The following SNX10 variants were observed in gnomAD, a reference collection of about 807,000 sequenced individuals.
SNX10 encodes sorting nexin 10.
Under a neutral mutation model 28.5 loss-of-function variants are expected in SNX10, and 25 were observed. The ratio of observed to expected loss-of-function variants is 0.88; its 90% confidence interval spans 0.64 to 1.22. SNX10 has a LOEUF of 1.22. Ranked by LOEUF, SNX10 falls within the 50% of genes most tolerant of loss-of-function variation. The pLI, the probability that SNX10 is intolerant of heterozygous loss-of-function variation, is 0.00. For missense variants in SNX10, 223 were observed against 242.6 expected, an observed-to-expected ratio of 0.92 and a Z score of 0.54; for synonymous variants, 62 against 81.4, an observed-to-expected ratio of 0.76 and a Z score of 1.28.
chr7:26,348,938 A>G (rs1584151860), intron 2 of SNX10, among the ~76,000 whole-genome samples: 1 of 152,378 alleles, frequency 6.6e-6, no homozygotes, highest in African/African-American at 2.4e-5. Context: ...GCATTGGCTT[A>G]GAAGTCAAGA....
At chr7:26,329,069 C>T (rs993184271) in intron 1 of SNX10, among the ~76,000 whole-genome samples, 3 of 152,212 alleles carry the variant, frequency 2.0e-5, no homozygotes, top group African/African-American at 7.2e-5. Flanking sequence ...GTTCCACACC[C>T]AGCAGCCAGA....
chr7:26,330,982 T>C (rs1032720864), intron 1 of SNX10, among the ~76,000 whole-genome samples: 2 of 151,990 alleles, frequency 1.3e-5, no homozygotes, highest in African/African-American at 4.8e-5. Flanking sequence ...AAACCTCATC[T>C]CTACAAAAAA....
chr7:26,336,091 A>T lies in SNX10; in HGVS notation c.-23-10329A>T, dbSNP rs866755880. Among the ~76,000 whole-genome samples, 4 of 152,340 alleles carry T rather than the reference A, an allele frequency of 2.6e-5. 1 individual carries two copies. The Middle Eastern group carries it at 0.014, about 518-fold the overall frequency. On this transcript the variant is annotated intron_variant, in intron 1 of 6. Coordinates refer to ENST00000338523, the MANE Select transcript of SNX10 (RefSeq NM_013322.3). ...TGATTTTTTTTATTTAAATAGAAAAATAGCTGAACATTGTGGGAGGAAGTG... is the reference window on the plus strand; with the variant it reads ...TGATTTTTTTTATTTAAATAGAAAATTAGCTGAACATTGTGGGAGGAAGTG...
At chr7:26,338,847 G>A (rs1019602156) in intron 1 of SNX10, among the ~76,000 whole-genome samples, 7 of 152,176 alleles carry the variant, frequency 4.6e-5, no homozygotes, top group African/African-American at 1.7e-4. Flanking sequence ...TGGCAGAACT[G>A]CTTGAGCCAG....
At chr7:26,293,495 T>C (rs1786002894) in intron 1 of SNX10, among the ~76,000 whole-genome samples, 1 of 152,216 alleles carries the variant, frequency 6.6e-6, no homozygotes, top group East Asian at 1.9e-4. Context: ...GGTGAGCCAC[T>C]GCGCTCGGCC....
intron 1 of SNX10, among the ~76,000 whole-genome samples, chr7:26,295,857 T>G (rs1220997604): frequency 6.6e-6 from 1 of 152,176 alleles, no homozygotes; most frequent in Non-Finnish European, 1.5e-5. Context: ...GAAAAGCTGT[T>G]TGGGGAGAAG....
intron 5 of SNX10, 107 bp downstream of exon 5, chr7:26,365,252 A>AT: frequency 1.4e-6 from 1 of 694,602 alleles, no homozygotes; most frequent in Admixed American, 2.3e-5. Flanking sequence ...AAATGCAAAT[A>AT]ATCTGCACTA....
At position 26,332,913 on chromosome 7, in the gene SNX10, A is replaced by G. The variant is rs182159985; in HGVS notation, c.-23-13507A>G. 1.4e-4 allele frequency among the ~76,000 whole-genome samples: 22 copies of G among 152,238 alleles called. No individual in the cohort carries two copies. The East Asian group carries it at 2.9e-3, about 20-fold the overall frequency. ...AATAAACCTATGGGTTTATTTCTCA[A>G]TTCTGTTCCTTTGATCTGTTTGTTT... On this transcript the variant is annotated intron_variant, in intron 1 of 6. Transcript: ENST00000338523.
In SNX10 at chr7:26,350,936, CTTCA is replaced by C. The variant is rs150475502; in HGVS notation, c.24+4474_24+4477del. On this transcript the variant is annotated intron_variant, in intron 2 of 6. Transcript: ENST00000338523. ...TTCTGAGCTTGTCCCAGAGAAAGAT[CTTCA>C]TTCCTTTTTTTTTTCTTAACTCTTC... Among the ~76,000 whole-genome samples, 1,315 of 151,972 alleles carry C rather than the reference CTTCA, an allele frequency of 8.7e-3. 16 individuals carry two copies. Among genetic ancestry groups the C allele is most frequent in the African/African-American group, 0.019 (798 of 41,350 alleles).
At chr7:26,351,655 T>TG (rs1788605628) in intron 2 of SNX10, among the ~76,000 whole-genome samples, 2 of 74,278 alleles carry the variant, frequency 2.7e-5, no homozygotes, top group African/African-American at 8.7e-5. Context: ...GGTTTTTTTT[T>TG]TTTGTTTTTT....
chr7:26,364,338 A>C lies in SNX10; in HGVS notation c.112-197A>C, dbSNP rs1335426040. On this transcript the variant is annotated intron_variant, in intron 3 of 6. Transcript: ENST00000338523. This position sits in a 1 kb window ranked among gnomAD's most constrained non-coding sequence, Gnocchi z 4.9. ...CCCTGGGGCAACACTGCTTATTTCC[A>C]TCATCCTGGCTGTCTTCAGGGCTGT... 3.1e-6 allele frequency: 4 copies of C among 1,298,256 alleles called. No homozygotes were observed. Among genetic ancestry groups the C allele is most frequent in the African/African-American group, 1.5e-5 (1 of 66,862 alleles). The allele number at this position is 1,298,256 out of a possible 1,614,324, so 80.4% of individuals were successfully genotyped here.
intron 1 of SNX10, among the ~76,000 whole-genome samples, chr7:26,336,773 T>C (rs904588815): frequency 1.8e-4 from 28 of 152,234 alleles, no homozygotes; most frequent in African/African-American, 6.3e-4. Flanking sequence ...TTTATAACAA[T>C]TTATAATGGC....
At position 26,372,666 on chromosome 7, in the gene SNX10, A is replaced by C; in HGVS notation, c.*94A>C. The C allele has an allele frequency of 3.9e-5, 30 of 778,298 alleles. No homozygotes were observed. The highest frequency in any genetic ancestry group is 5.5e-5 in the Non-Finnish European group (24 of 439,878). The allele number at this position is 778,298 out of a possible 1,614,324, so 48.2% of individuals were successfully genotyped here. On this transcript the variant is annotated 3_prime_UTR_variant, in exon 7 of 7. Coordinates refer to ENST00000338523, the MANE Select transcript of SNX10 (RefSeq NM_013322.3). ...AATAATACATTCTTACCTAAAGCTC[A>C]CTGTCATGATGTTAGGTATTTAAAT... is the stretch of plus-strand genomic sequence containing the variant.
At chr7:26,304,588 A>G (rs994270095) in intron 1 of SNX10, among the ~76,000 whole-genome samples, 1 of 152,116 alleles carries the variant, frequency 6.6e-6, no homozygotes, top group African/African-American at 2.4e-5. Flanking sequence ...ACTGTCCTGG[A>G]ACCTTGAAAG....
chr7:26,322,511 A>G (rs1278897043), intron 1 of SNX10, among the ~76,000 whole-genome samples: 1 of 152,228 alleles, frequency 6.6e-6, no homozygotes, highest in African/African-American at 2.4e-5. Flanking sequence ...AAACTTGGTC[A>G]TAGACCTAAG....
At chr7:26,329,420 T>C (rs1214502728) in intron 1 of SNX10, among the ~76,000 whole-genome samples, 1 of 152,250 alleles carries the variant, frequency 6.6e-6, no homozygotes, top group African/African-American at 2.4e-5. Flanking sequence ...ACATATGAAG[T>C]AGTCCTCACC....
intron 1 of SNX10, among the ~76,000 whole-genome samples, chr7:26,307,600 A>C (rs1274427362): frequency 6.6e-6 from 1 of 151,732 alleles, no homozygotes; most frequent in African/African-American, 2.4e-5. Context: ...GGTGCGTGCC[A>C]TGAAACCCAG....
chr7:26,338,245 T>A (rs117418070), intron 1 of SNX10, among the ~76,000 whole-genome samples: 3,773 of 151,034 alleles, frequency 0.025, 66 homozygotes, highest in Non-Finnish European at 0.041. Flanking sequence ...GCCTCCCGAG[T>A]GGCCTGGATT....
At chr7:26,340,875 C>T (rs1679834260) in intron 1 of SNX10, among the ~76,000 whole-genome samples, 1 of 152,172 alleles carries the variant, frequency 6.6e-6, no homozygotes, top group Admixed American at 6.5e-5. Context: ...GGGATCCTCC[C>T]ACCTCAGCCT....
Sources: allele counts gnomAD v4.1 joint callset (sites outside exome capture counted in the v4.1 genomes callset), GRCh38; gene constraint gnomAD v4.1.1; non-coding constraint Gnocchi (gnomAD v3.1); transcripts MANE v1.5; gene names NCBI Gene and HGNC (gene_info 2026-07-23, HGNC 2026-07-21).